RIOX2: variants seen among roughly 807,000 people sequenced by gnomAD.
The protein encoded by RIOX2 is 60S ribosomal protein L27a histidine hydroxylase.
A neutral mutation model predicts 51.2 loss-of-function variants in RIOX2; 43 were observed. That is an observed-to-expected ratio of 0.84 (90% CI 0.66 to 1.08). The LOEUF (loss-of-function observed/expected upper bound fraction) is 1.08, where lower values mean the gene tolerates loss of function less well. RIOX2 is among the 50% of genes least tolerant of loss of function. RIOX2 has a pLI of 0.00. For missense variants in RIOX2, 566 were observed against 561.7 expected, an observed-to-expected ratio of 1.01 and a Z score of -0.08; for synonymous variants, 226 against 218.5, an observed-to-expected ratio of 1.03 and a Z score of -0.30.
intron 4 of RIOX2, 38 bp downstream of exon 4, chr3:97,959,013 G>A: frequency 6.4e-7 from 1 of 1,566,536 alleles, no homozygotes; most frequent in Non-Finnish European, 8.7e-7. Context: ...AACCACAATG[G>A]CTCTAACAAT....
Position 97,972,428 on chromosome 3 carries a change from C to T in RIOX2, c.-87G>A, listed in dbSNP as rs896588154. 4.0e-5 allele frequency: 6 copies of T among 151,062 alleles called. No individual in the cohort carries two copies. The highest frequency in any genetic ancestry group is 3.0e-5 in the Non-Finnish European group (2 of 67,640). The allele number at this position is 151,062 out of a possible 1,614,324, so 9.4% of individuals were successfully genotyped here. On this transcript the variant is annotated 5_prime_UTR_variant, in exon 1 of 10. Transcript: ENST00000394198. ...GCCGCGAGCCCACTGCGTTGCGGCG[C>T]AGCGGCTGGAGGCGGGGCAGCGTGG...
At position 97,943,096 on chromosome 3, in the gene RIOX2, T is replaced by C. The variant is rs1233844789; in HGVS notation, c.*2088A>G. 6 of 613,534 alleles carry C rather than the reference T, an allele frequency of 9.8e-6. No homozygotes were observed. Among genetic ancestry groups the C allele is most frequent in the Non-Finnish European group, 1.7e-5 (6 of 348,376 alleles). The allele number at this position is 613,534 out of a possible 1,614,324, so 38.0% of individuals were successfully genotyped here. A position where few individuals can be genotyped will look rare whatever the true frequency, so the allele number is the denominator to read the frequency against. On this transcript the variant is annotated 3_prime_UTR_variant, in exon 10 of 10. Coordinates refer to ENST00000394198, the MANE Select transcript of RIOX2 (RefSeq NM_153182.4). ...AAGCCTGTTCAAACTCAGCTTCCCA[T>C]TTCAGACTTCTTTGTAAATGACACA...
chr3:97,955,171 C>G (rs1241324358), intron 4 of RIOX2, among the ~76,000 whole-genome samples: 5 of 152,156 alleles, frequency 3.3e-5, no homozygotes, highest in Non-Finnish European at 5.9e-5. Context: ...AAGCACCTAG[C>G]ACTCAACACA....
chr3:97,972,051 T>A (rs146448680), intron 1 of RIOX2: 1 of 152,286 alleles, frequency 6.6e-6, no homozygotes, highest in East Asian at 1.9e-4. Context: ...CCCTCCTTGC[T>A]AAGCCTCCAA....
intron 5 of RIOX2, chr3:97,952,025 C>T (rs776188330): frequency 2.0e-6 from 1 of 492,038 alleles, no homozygotes; most frequent in South Asian, 1.6e-5. Context: ...GGACTTCCCA[C>T]AATTTAGGAA....
intron 3 of RIOX2, 106 bp from the exon 4 acceptor site, chr3:97,959,285 G>GGT (rs995162561): frequency 2.6e-4 from 220 of 838,802 alleles, no homozygotes; most frequent in Non-Finnish European, 3.4e-4. Context: ...CAAATATATA[G>GGT]GTGAACCTTG....
chr3:97,952,719 G>A (rs1705294812), intron 5 of RIOX2, among the ~76,000 whole-genome samples: 1 of 152,144 alleles, frequency 6.6e-6, no homozygotes, highest in East Asian at 1.9e-4. Flanking sequence ...ATCCAGAATG[G>A]ACTTCTAATT....
Position 97,942,412 on chromosome 3 carries a change from T to C in RIOX2, c.*2772A>G, listed in dbSNP as rs756374960. On this transcript the variant is annotated 3_prime_UTR_variant, in exon 10 of 10. Transcript: ENST00000394198. Reference sequence around the variant, plus strand: ...ATAAAAATGGAACTATCAGCTCTTATCTCAGTGATCAACTTGTCCTTGATG... The same window carrying C: ...ATAAAAATGGAACTATCAGCTCTTACCTCAGTGATCAACTTGTCCTTGATG... The C allele has an allele frequency of 6.2e-7, 1 of 1,611,552 alleles. No homozygotes were observed. The highest frequency in any genetic ancestry group is 1.1e-5 in the South Asian group (1 of 90,872).
At chr3:97,959,864 T>C (rs1166908409) in intron 3 of RIOX2, among the ~76,000 whole-genome samples, 1 of 152,238 alleles carries the variant, frequency 6.6e-6, no homozygotes, top group African/African-American at 2.4e-5. Flanking sequence ...CAAATACTTC[T>C]AGACCACCAT....
rs753339308 is a variant in RIOX2 at position 97,949,949 on chromosome 3, G to C, written c.955C>G (p.Leu319Val). The C allele has an allele frequency of 6.8e-6, 11 of 1,613,806 alleles. No homozygotes were observed. In the East Asian group the frequency reaches 2.5e-4, roughly 36 times the overall value. Residue 319 changes from leucine (L) to valine (V), a missense_variant, in exon 7 of 10, where the codon CTG becomes GTG. Transcript: ENST00000394198. ...GAAAGCAGTTCTTTGGTGCCCTCCAGCCGGTCTGCAAGTGTCCTCAGGAAG... is the reference window on the plus strand; with the variant it reads ...GAAAGCAGTTCTTTGGTGCCCTCCACCCGGTCTGCAAGTGTCCTCAGGAAG... ...SGFLRTLADR[L>V]EGTKELLSSD...
chr3:97,972,344 C>A (rs1240287163), intron 1 of RIOX2, 37 bp downstream of exon 1: 1 of 151,970 alleles, frequency 6.6e-6, no homozygotes. Context: ...CCCGGCCTGC[C>A]CCGGCGCTGG....
In RIOX2 at chr3:97,942,485, A is replaced by T. The variant is rs2040254229; in HGVS notation, c.*2699T>A. 6.6e-7 allele frequency: 1 copy of T among 1,525,228 alleles called. No homozygotes were observed. Among genetic ancestry groups the T allele is most frequent in the Admixed American group, 1.8e-5 (1 of 55,196 alleles). The allele number at this position is 1,525,228 out of a possible 1,614,324, so 94.5% of individuals were successfully genotyped here. ...ACCCAATGTTGTGTCCCTGGATATT[A>T]GTTTCAGTTCCAAATCTCCTCATTT... On this transcript the variant is annotated 3_prime_UTR_variant, in exon 10 of 10. Coordinates refer to ENST00000394198, the MANE Select transcript of RIOX2 (RefSeq NM_153182.4).
Position 97,943,474 on chromosome 3 carries a change from A to C in RIOX2, c.*1710T>G. On this transcript the variant is annotated 3_prime_UTR_variant, in exon 10 of 10. Coordinates refer to ENST00000394198, the MANE Select transcript of RIOX2 (RefSeq NM_153182.4). ...GCCTCTGAGACTATCGCTCTTAACC[A>C]TGGAAAAGCTCAAAATATTCTTGCC... 1 of 583,032 alleles carries C rather than the reference A, an allele frequency of 1.7e-6. No individual in the cohort carries two copies. The highest frequency in any genetic ancestry group is 3.0e-6 in the Non-Finnish European group (1 of 335,186). 36.1% of individuals were successfully genotyped at this position (583,032 alleles called of 1,614,324 possible).
At chr3:97,952,919 A>G (rs1705303148) in intron 5 of RIOX2, among the ~76,000 whole-genome samples, 1 of 152,168 alleles carries the variant, frequency 6.6e-6, no homozygotes, top group Non-Finnish European at 1.5e-5. Context: ...AGATAGCACT[A>G]AACTAGGGCC....
At position 97,943,103 on chromosome 3, in the gene RIOX2, C is replaced by T. The variant is rs2040268001; in HGVS notation, c.*2081G>A. The T allele has an allele frequency of 1.6e-6, 1 of 618,810 alleles. No individual in the cohort carries two copies. Among genetic ancestry groups the T allele is most frequent in the Admixed American group, 3.1e-5 (1 of 32,666 alleles). 38.3% of individuals were successfully genotyped at this position (618,810 alleles called of 1,614,324 possible). Reference sequence around the variant, plus strand: ...TTCAAACTCAGCTTCCCATTTCAGACTTCTTTGTAAATGACACATTCATCC... The same window carrying T: ...TTCAAACTCAGCTTCCCATTTCAGATTTCTTTGTAAATGACACATTCATCC... On this transcript the variant is annotated 3_prime_UTR_variant, in exon 10 of 10. Coordinates refer to ENST00000394198, the MANE Select transcript of RIOX2 (RefSeq NM_153182.4).
Position 97,949,877 on chromosome 3 carries a change from AGT to A in RIOX2, c.1025_1026del (p.Tyr342PhefsTer27). 1 of 1,613,852 alleles carries A rather than the reference AGT, an allele frequency of 6.2e-7. No individual in the cohort carries two copies. Among genetic ancestry groups the A allele is most frequent in the East Asian group, 2.2e-5 (1 of 44,870 alleles). Reference sequence around the variant, plus strand: ...GACAGCTCTGCCCCATCTCCCGCAGAGTAAGGGGGGAGTCTGTGCATAATAAA... The same window carrying A: ...GACAGCTCTGCCCCATCTCCCGCAGAAAGGGGGGAGTCTGTGCATAATAAA... Reference protein sequence around the residue: ...KDFIMHRLPPYSAGDGAELST... With the variant: ...KDFIMHRLPPXSAGDGAELST... On this transcript the variant is annotated frameshift_variant, in exon 7 of 10. Coordinates refer to ENST00000394198, the MANE Select transcript of RIOX2 (RefSeq NM_153182.4). LOFTEE classifies it high-confidence loss of function.
intron 3 of RIOX2, among the ~76,000 whole-genome samples, chr3:97,960,795 A>C (rs1346414146): frequency 6.6e-6 from 1 of 152,202 alleles, no homozygotes; most frequent in Non-Finnish European, 1.5e-5. Context: ...AAAAGCCCAT[A>C]ATCTCTGATG....
At chr3:97,971,804 C>A (rs1706143543) in intron 1 of RIOX2, 1 of 152,272 alleles carries the variant, frequency 6.6e-6, no homozygotes, top group African/African-American at 2.4e-5. Context: ...ATAACCTGGT[C>A]TCAGTAACCT....
chr3:97,964,093 G>A (rs546303495), intron 2 of RIOX2, among the ~76,000 whole-genome samples: 1 of 152,114 alleles, frequency 6.6e-6, no homozygotes, highest in South Asian at 2.1e-4. Flanking sequence ...GATATCCAGC[G>A]AGCCCAAGGA....
Sources: gnomAD v4.1 joint callset for allele counts (sites outside exome capture counted in the v4.1 genomes callset) on GRCh38, gnomAD v4.1.1 for gene constraint, MANE v1.5 for transcripts, NCBI Gene and HGNC (gene_info 2026-07-23, HGNC 2026-07-21) for gene names.